Variants in FOXJ3 observed in about 807,000 individuals in gnomAD.
The protein encoded by FOXJ3 is forkhead box J3.
Under a neutral mutation model 76.1 loss-of-function variants are expected in FOXJ3, and 22 were observed. The ratio of observed to expected loss-of-function variants is 0.29; its 90% CI spans 0.21 to 0.41. The LOEUF (loss-of-function observed/expected upper bound fraction) is 0.41. Ranked by LOEUF, FOXJ3 falls within the 10% of genes least tolerant of loss-of-function variation. FOXJ3 has a pLI of 1.00. For missense variants in FOXJ3, 613 were observed against 762.1 expected, an observed-to-expected ratio of 0.80 and a Z score of 2.30; for synonymous variants, 269 against 261.2, an observed-to-expected ratio of 1.03 and a Z score of -0.29.
chr1:42,300,522 T>C lies in FOXJ3; in HGVS notation c.44+10528A>G, dbSNP rs532957179. On this transcript the variant is annotated intron_variant, in intron 2 of 12. Transcript: ENST00000361346. The stretch of plus-strand genomic sequence containing the variant: ...TGTGCACGGTGGCTCACACCTGTAA[T>C]CCCAGTATGTTGAGAGGCCAAGGCG... 3.9e-5 allele frequency among the ~76,000 whole-genome samples: 6 copies of C among 152,302 alleles called. No homozygotes were observed. The East Asian group carries it at 9.6e-4, about 24-fold the overall frequency.
At chr1:42,333,249 G>GA (rs528570872) in intron 1 of FOXJ3, among the ~76,000 whole-genome samples, 148 of 151,598 alleles carry the variant, frequency 9.8e-4, no homozygotes, top group African/African-American at 3.1e-3. Context: ...CAGATAAAAG[G>GA]AAAAAAATGT....
chr1:42,308,489 T>A (rs1287348902), intron 2 of FOXJ3, among the ~76,000 whole-genome samples: 3 of 152,024 alleles, frequency 2.0e-5, no homozygotes, highest in African/African-American at 7.2e-5. Context: ...TAAACATACA[T>A]CTAAGAATGA....
At chr1:42,242,793 A>T (rs1649252849) in intron 4 of FOXJ3, among the ~76,000 whole-genome samples, 1 of 152,212 alleles carries the variant, frequency 6.6e-6, no homozygotes, top group Admixed American at 6.5e-5. Context: ...TAACAGCAGA[A>T]AACTTACCAA....
chr1:42,303,288 GATA>G (rs916035856), intron 2 of FOXJ3, among the ~76,000 whole-genome samples: 108 of 152,258 alleles, frequency 7.1e-4, no homozygotes, highest in African/African-American at 2.5e-3. Flanking sequence ...GTGAAGTAAG[GATA>G]ATAATGGTAC....
chr1:42,245,430 T>C (rs113151812), intron 4 of FOXJ3, among the ~76,000 whole-genome samples: 1,616 of 152,174 alleles, frequency 0.011, 25 homozygotes, highest in African/African-American at 0.037. Flanking sequence ...AACAAAATAT[T>C]AGCAAACCAA....
chr1:42,260,582 C>T (rs974234022), intron 4 of FOXJ3, among the ~76,000 whole-genome samples: 1 of 152,056 alleles, frequency 6.6e-6, no homozygotes, highest in South Asian at 2.1e-4. Flanking sequence ...CATGTGCTGT[C>T]ATCCTGGCTA....
intron 5 of FOXJ3, among the ~76,000 whole-genome samples, chr1:42,224,420 T>A (rs537848628): frequency 3.9e-4 from 60 of 152,230 alleles, no homozygotes; most frequent in African/African-American, 1.4e-3. Flanking sequence ...CAGGTAAGTA[T>A]TCCAGAGAAC....
chr1:42,241,182 G>A (rs150933407), intron 4 of FOXJ3, among the ~76,000 whole-genome samples: 1 of 152,246 alleles, frequency 6.6e-6, no homozygotes, highest in Non-Finnish European at 1.5e-5. Flanking sequence ...ATCCCTACGA[G>A]GGCCCTGAGA....
intron 4 of FOXJ3, among the ~76,000 whole-genome samples, chr1:42,231,285 C>T (rs941456888): frequency 6.6e-5 from 10 of 152,112 alleles, no homozygotes; most frequent in African/African-American, 2.4e-4. Flanking sequence ...GAGATCACGC[C>T]ACTGCACTCT....
chr1:42,295,397 T>C (rs1653717939), intron 2 of FOXJ3, among the ~76,000 whole-genome samples: 1 of 152,228 alleles, frequency 6.6e-6, no homozygotes, highest in South Asian at 2.1e-4. Flanking sequence ...CATTCTTTTC[T>C]ATGCTGCATA....
intron 1 of FOXJ3, among the ~76,000 whole-genome samples, chr1:42,324,339 CTATA>C (rs111699698): frequency 7.0e-6 from 1 of 143,076 alleles, no homozygotes; most frequent in African/African-American, 2.6e-5. Flanking sequence ...AACATATACA[CTATA>C]TACTATACAT....
chr1:42,260,231 C>G (rs1650929778), intron 4 of FOXJ3, among the ~76,000 whole-genome samples: 1 of 152,018 alleles, frequency 6.6e-6, no homozygotes, highest in Admixed American at 6.5e-5. Flanking sequence ...TCCAGTTTTT[C>G]TACATATTTT....
intron 1 of FOXJ3, among the ~76,000 whole-genome samples, chr1:42,334,744 G>A (rs1656369201): frequency 6.6e-6 from 1 of 151,848 alleles, no homozygotes; most frequent in African/African-American, 2.4e-5. Flanking sequence ...AGGCGCCCCC[G>A]GGATCCACGT....
At chr1:42,282,913 A>C (rs1458141005) in intron 2 of FOXJ3, among the ~76,000 whole-genome samples, 1 of 152,240 alleles carries the variant, frequency 6.6e-6, no homozygotes, top group African/African-American at 2.4e-5. Context: ...TTGAAAGAAG[A>C]AACTTTCATG....
intron 4 of FOXJ3, among the ~76,000 whole-genome samples, chr1:42,243,913 T>C (rs141438387): frequency 9.2e-5 from 14 of 152,306 alleles, no homozygotes; most frequent in Admixed American, 9.2e-4. Context: ...GGATAGACCA[T>C]TTGTGAGGTC....
chr1:42,267,728 T>A (rs1570107908), intron 3 of FOXJ3, among the ~76,000 whole-genome samples: 1 of 151,920 alleles, frequency 6.6e-6, no homozygotes, highest in Non-Finnish European at 1.5e-5. Flanking sequence ...AGTGGACAAC[T>A]TGCTTGCATA....
intron 2 of FOXJ3, among the ~76,000 whole-genome samples, chr1:42,307,071 A>G (rs1014544022): frequency 1.3e-5 from 2 of 152,194 alleles, no homozygotes; most frequent in Non-Finnish European, 2.9e-5. Context: ...GATGGACTGA[A>G]AGGTTGGAGG....
chr1:42,284,374 T>C (rs1393411637), intron 2 of FOXJ3, among the ~76,000 whole-genome samples: 1 of 152,026 alleles, frequency 6.6e-6, no homozygotes, highest in Non-Finnish European at 1.5e-5. Context: ...GCAGGAAAAA[T>C]TTAGAATGTT....
chr1:42,206,136 T>C, intron 5 of FOXJ3: 1 of 352,834 alleles, frequency 2.8e-6, no homozygotes, highest in Non-Finnish European at 5.1e-6. Context: ...TAGTGAAAAT[T>C]GCTAATGATC....
Sources: gnomAD v4.1 joint callset for allele counts (sites outside exome capture counted in the v4.1 genomes callset) on GRCh38, gnomAD v4.1.1 for gene constraint, MANE v1.5 for transcripts, NCBI Gene and HGNC (gene_info 2026-07-23, HGNC 2026-07-21) for gene names.